RBFOX3: variants seen among roughly 807,000 people sequenced by gnomAD.
RBFOX3 encodes RNA binding protein fox-1 homolog 3.
A neutral mutation model predicts 48.7 loss-of-function variants in RBFOX3; 17 were observed. The observed-to-expected ratio is 0.35, with a 90% CI of 0.24 to 0.52. The LOEUF is 0.52. RBFOX3 is among the 20% of genes least tolerant of loss of function. The pLI is 0.94. For missense variants in RBFOX3, 382 were observed against 497.5 expected (o/e 0.77, Z 2.21); for synonymous variants, 212 against 209.5 (o/e 1.01, Z -0.10).
At chr17:79,127,422 A>G (rs912805441) in intron 4 of RBFOX3, among the ~76,000 whole-genome samples, 6 of 152,200 alleles carry the variant, frequency 3.9e-5, no homozygotes, top group Non-Finnish European at 8.8e-5. Context: ...AGGTGGGAAG[A>G]ACGGAGGAAC....
intron 1 of RBFOX3, among the ~76,000 whole-genome samples, chr17:79,514,069 T>C (rs1211262074): frequency 2.0e-5 from 3 of 152,164 alleles, no homozygotes; most frequent in African/African-American, 7.2e-5. Flanking sequence ...ACTTTCCTGG[T>C]ATTTACCCCT....
intron 3 of RBFOX3, among the ~76,000 whole-genome samples, chr17:79,237,632 T>C (rs372153022): frequency 1.3e-5 from 2 of 152,246 alleles, no homozygotes; most frequent in Non-Finnish European, 1.5e-5. Flanking sequence ...ACAGTGGCAG[T>C]ATTGGGTACT....
intron 2 of RBFOX3, among the ~76,000 whole-genome samples, chr17:79,357,045 G>T (rs2085286637): frequency 6.6e-6 from 1 of 152,212 alleles, no homozygotes; most frequent in South Asian, 2.1e-4. Context: ...TGGGGAGCCG[G>T]TGCCCTCCAT....
the RBFOX3 span, among the ~76,000 whole-genome samples, chr17:79,638,824 C>T: frequency 2.0e-5 from 3 of 152,174 alleles, no homozygotes; most frequent in Non-Finnish European, 4.4e-5. Flanking sequence ...AAGCCAGCTC[C>T]CCTTCACCTT....
intron 14 of RBFOX3, among the ~76,000 whole-genome samples, chr17:79,093,023 G>A (rs1014556636): frequency 6.6e-6 from 1 of 152,204 alleles, no homozygotes; most frequent in African/African-American, 2.4e-5. Context: ...CATCTTCAGA[G>A]CACTGAGGGA....
rs1439386477 is a variant in RBFOX3 at position 79,208,971 on chromosome 17, A to G, written c.-34+26795T>C. Among the ~76,000 whole-genome samples the G allele has an allele frequency of 2.0e-5, 3 of 151,592 alleles. No individual in the cohort carries two copies. In the East Asian group the frequency reaches 5.8e-4, roughly 29 times the overall value. On this transcript the variant is annotated intron_variant, in intron 4 of 14. Coordinates refer to ENST00000693108, the MANE Select transcript of RBFOX3 (RefSeq NM_001350451.2). The stretch of plus-strand genomic sequence containing the variant: ...GCTGGGACTACAGGCACCCGCCACC[A>G]CGCCCGGCTAATTTTTTGTACTTTT...
At chr17:79,360,403 A>G (rs978417) in intron 2 of RBFOX3, among the ~76,000 whole-genome samples, 149,588 of 152,316 alleles carry the variant, frequency 0.98, 73,518 homozygotes, top group South Asian at 1. Flanking sequence ...AACAGGTGCC[A>G]CTGGAAGCTG....
intron 4 of RBFOX3, among the ~76,000 whole-genome samples, chr17:79,171,443 T>G (rs1419801015): frequency 2.6e-5 from 4 of 152,194 alleles, no homozygotes; most frequent in Non-Finnish European, 4.4e-5. Context: ...CAACTGCTCA[T>G]TTCTGCCGTC....
At position 79,211,357 on chromosome 17, in the gene RBFOX3, A is replaced by T. The variant is rs940056733; in HGVS notation, c.-34+24409T>A. Among the ~76,000 whole-genome samples, 3 of 152,214 alleles carry T rather than the reference A, an allele frequency of 2.0e-5. No individual in the cohort carries two copies. In the East Asian group the frequency reaches 5.8e-4, roughly 29 times the overall value. On this transcript the variant is annotated intron_variant, in intron 4 of 14. Coordinates refer to ENST00000693108, the MANE Select transcript of RBFOX3 (RefSeq NM_001350451.2). Reference sequence around the variant, plus strand: ...ACCTCCTGCCCGCTCAGCCTCCGGAACCATGAGCAGGACGTTCCAGATCCG... The same window carrying T: ...ACCTCCTGCCCGCTCAGCCTCCGGATCCATGAGCAGGACGTTCCAGATCCG...
intron 4 of RBFOX3, among the ~76,000 whole-genome samples, chr17:79,153,494 G>T (rs1412341238): frequency 6.6e-6 from 1 of 152,196 alleles, no homozygotes; most frequent in Non-Finnish European, 1.5e-5. Flanking sequence ...AATGACAGGA[G>T]TGGCTAAAGC....
Position 79,115,533 on chromosome 17 carries a change from C to A in RBFOX3, c.183G>T (p.Glu61Asp). The A allele has an allele frequency of 7.4e-7, 1 of 1,346,554 alleles. No homozygotes were observed. The highest frequency in any genetic ancestry group is 9.6e-7 in the Non-Finnish European group (1 of 1,046,960). The allele number at this position is 1,346,554 out of a possible 1,614,324, so 83.4% of individuals were successfully genotyped here. A position where few individuals can be genotyped will look rare whatever the true frequency, so the allele number is the denominator to read the frequency against. Reference protein sequence around the residue: ...AQTHPEQPGSEASTQPIAGTQ... With the variant: ...AQTHPEQPGSDASTQPIAGTQ... The stretch of plus-strand genomic sequence containing the variant: ...TCCCGGCGATGGGCTGTGTGCTGGC[C>A]TCGGAGCCTGGCTGCTCGGGGTGGG... The change falls in exon 5 of 15, where the codon GAG becomes GAT. Residue 61 changes from glutamate to aspartate, a missense_variant. By Grantham distance (45) the Glu-to-Asp change is conservative (BLOSUM62 2). This residue lies in a region of RBFOX3 where 118 missense variants were observed against 132.1 expected (regional missense o/e 0.89). Coordinates refer to ENST00000693108, the MANE Select transcript of RBFOX3 (RefSeq NM_001350451.2).
Position 79,244,425 on chromosome 17 carries a change from G to C in RBFOX3, c.-73-8620C>G, listed in dbSNP as rs936245894. 3.3e-5 allele frequency among the ~76,000 whole-genome samples: 5 copies of C among 152,230 alleles called. No homozygotes were observed. In the East Asian group the frequency reaches 9.6e-4, roughly 29 times the overall value. On this transcript the variant is annotated intron_variant, in intron 3 of 14. Coordinates refer to ENST00000693108, the MANE Select transcript of RBFOX3 (RefSeq NM_001350451.2). ...AGCAGTAAGAGAATAAACTTCTGTTGTATGAAGCCTCCCAGTTTGTGGTCA... is the reference window on the plus strand; with the variant it reads ...AGCAGTAAGAGAATAAACTTCTGTTCTATGAAGCCTCCCAGTTTGTGGTCA...
In RBFOX3 at chr17:79,115,482, G is replaced by C; in HGVS notation, c.222+12C>G. The C allele has an allele frequency of 7.6e-7, 1 of 1,317,470 alleles. No homozygotes were observed. Among genetic ancestry groups the C allele is most frequent in the Non-Finnish European group, 9.7e-7 (1 of 1,033,376 alleles). 81.6% of individuals were successfully genotyped at this position (1,317,470 alleles called of 1,614,324 possible). A position where few individuals can be genotyped will look rare whatever the true frequency, so the allele number is the denominator to read the frequency against. ...GCTCCAGGGCTGGGCCTGGGGTCGT[G>C]GGGGCCCTTACCGGCACTGTCTGGG... is the stretch of plus-strand genomic sequence containing the variant. On this transcript the variant is annotated intron_variant, in intron 5 of 14. Transcript: ENST00000693108.
At chr17:79,635,476 C>A in the RBFOX3 span, among the ~76,000 whole-genome samples, 1 of 152,198 alleles carries the variant, frequency 6.6e-6, no homozygotes, top group East Asian at 1.9e-4. Flanking sequence ...AAGCAAGAAT[C>A]TGAGGAGGCT....
intron 1 of RBFOX3, among the ~76,000 whole-genome samples, chr17:79,518,220 T>A (rs905716583): frequency 2.6e-5 from 4 of 151,816 alleles, no homozygotes; most frequent in Non-Finnish European, 4.4e-5. Context: ...TCTCTCTCTC[T>A]CCTCTTTTCG....
At chr17:79,140,994 G>A (rs905362801) in intron 4 of RBFOX3, among the ~76,000 whole-genome samples, 11 of 152,176 alleles carry the variant, frequency 7.2e-5, no homozygotes, top group African/African-American at 2.4e-4. Context: ...GGGTGGCTTC[G>A]CAGGGATGGT....
At chr17:79,374,421 T>C (rs1038179380) in intron 2 of RBFOX3, among the ~76,000 whole-genome samples, 2 of 152,222 alleles carry the variant, frequency 1.3e-5, no homozygotes, top group Non-Finnish European at 2.9e-5. Flanking sequence ...AGGACCGGCT[T>C]TCCATGCAGA....
At chr17:79,409,520 T>G (rs559751167) in intron 2 of RBFOX3, among the ~76,000 whole-genome samples, 1 of 152,372 alleles carries the variant, frequency 6.6e-6, no homozygotes, top group African/African-American at 2.4e-5. Context: ...TTCTGGTTTA[T>G]TTTCCTTCTG....
intron 2 of RBFOX3, among the ~76,000 whole-genome samples, chr17:79,377,653 G>A (rs1450076824): frequency 5.9e-5 from 9 of 152,216 alleles, no homozygotes; most frequent in Admixed American, 5.9e-4. Context: ...CACGGGGGAG[G>A]GGCATCGAGC....
Sources: gnomAD v4.1 joint callset for allele counts (sites outside exome capture counted in the v4.1 genomes callset) on GRCh38, gnomAD v4.1.1 for gene constraint, gnomAD v4.1.1 regional missense constraint, MANE v1.5 for transcripts, NCBI Gene and HGNC (gene_info 2026-07-23, HGNC 2026-07-21) for gene names.